Variants in RAB33B observed in about 807,000 individuals in gnomAD.
The protein encoded by RAB33B is RAB33B, member RAS oncogene family.
RAB33B carries 6 observed loss-of-function variants against 15.0 expected under a neutral mutation model. The observed-to-expected ratio is 0.40, with a 90% confidence interval of 0.22 to 0.79. RAB33B has a LOEUF of 0.79. Ranked by LOEUF, RAB33B falls within the 30% of genes least tolerant of loss-of-function variation. The probability of loss-of-function intolerance (pLI) is 0.37; values close to 1 mark genes in which losing one functional copy is unlikely to be tolerated. For missense variants in RAB33B, 257 were observed against 296.4 expected, an observed-to-expected ratio of 0.87 and a Z score of 0.98; for synonymous variants, 117 against 108.3, an observed-to-expected ratio of 1.08 and a Z score of -0.50.
the RAB33B span, among the ~76,000 whole-genome samples, chr4:139,441,670 C>T: frequency 1.3e-5 from 2 of 152,166 alleles, no homozygotes; most frequent in Non-Finnish European, 2.9e-5. Context: ...TTATTTTTAA[C>T]TTACAACGGG....
chr4:139,443,394 T>G, the RAB33B span, among the ~76,000 whole-genome samples: 3 of 152,200 alleles, frequency 2.0e-5, no homozygotes, highest in African/African-American at 7.2e-5. Context: ...ACATAATACC[T>G]TTGACTCTAT....
chr4:139,454,473 AC>A, intron 1 of RAB33B, 29 bp downstream of exon 1: 1 of 1,595,880 alleles, frequency 6.3e-7, no homozygotes, highest in Non-Finnish European at 8.5e-7. Flanking sequence ...GTTGGGGAGG[AC>A]AGGGTGACAG....
At chr4:139,459,304 G>A (rs1187602994) in intron 1 of RAB33B, among the ~76,000 whole-genome samples, 1 of 151,956 alleles carries the variant, frequency 6.6e-6, no homozygotes, top group African/African-American at 2.4e-5. Context: ...AAGTACGGTG[G>A]CATGTACCTG....
upstream of RAB33B, chr4:139,453,963 T>G (rs1337213635): frequency 4.9e-6 from 2 of 405,126 alleles, no homozygotes; most frequent in African/African-American, 4.3e-5. Flanking sequence ...GAGTGACGCC[T>G]GGCGTGTGGC....
intron 1 of RAB33B, among the ~76,000 whole-genome samples, chr4:139,464,396 T>TTG (rs1554004082): frequency 2.1e-5 from 3 of 145,404 alleles, no homozygotes; most frequent in African/African-American, 7.6e-5. Flanking sequence ...GTTTTTTTTT[T>TTG]TTTTTTTTTT....
chr4:139,454,474 CAG>C (rs759584805), intron 1 of RAB33B, 30 bp downstream of exon 1: 3 of 1,595,548 alleles, frequency 1.9e-6, no homozygotes, highest in Non-Finnish European at 2.6e-6. Context: ...TTGGGGAGGA[CAG>C]GGTGACAGGT....
At chr4:139,450,773 TTC>T (rs1185262853), upstream of RAB33B, 1 of 152,160 alleles carries the variant, frequency 6.6e-6, no homozygotes, top group East Asian at 1.9e-4. Flanking sequence ...TAAGAGCTGT[TTC>T]TGAGTAAGAC....
At chr4:139,440,266 T>C in the RAB33B span, among the ~76,000 whole-genome samples, 2 of 152,156 alleles carry the variant, frequency 1.3e-5, no homozygotes, top group Non-Finnish European at 2.9e-5. Context: ...ATATATGCAA[T>C]TGTGTTTATG....
chr4:139,458,492 C>A (rs1237293434), intron 1 of RAB33B, among the ~76,000 whole-genome samples: 1 of 152,204 alleles, frequency 6.6e-6, no homozygotes, highest in African/African-American at 2.4e-5. Context: ...GTGTGTTGTT[C>A]CTGTCTTTGT....
At chr4:139,457,799 C>T (rs925010200) in intron 1 of RAB33B, among the ~76,000 whole-genome samples, 2 of 152,178 alleles carry the variant, frequency 1.3e-5, no homozygotes, top group African/African-American at 2.4e-5. Context: ...GATTTCATGA[C>T]ATGAAAATCA....
In RAB33B at chr4:139,473,098, C is replaced by A; in HGVS notation, c.662C>A (p.Pro221Gln). The change falls in exon 2 of 2, where the codon CCA becomes CAA. Residue 221 changes from proline (P) to glutamine (Q), a missense_variant. Pro to Gln is a moderately conservative substitution (Grantham distance 76). Coordinates refer to ENST00000305626, the MANE Select transcript of RAB33B (RefSeq NM_031296.3). ...AATGGAATTATCCTGAAGCCTGAAC[C>A]AAAGCCTGCAATGACGTGCTGGTGC... Reference protein sequence around the residue: ...PDNGIILKPEPKPAMTCWC With the variant: ...PDNGIILKPEQKPAMTCWC 6.2e-7 allele frequency: 1 copy of A among 1,606,792 alleles called. No individual in the cohort carries two copies. Among genetic ancestry groups the A allele is most frequent in the South Asian group, 1.1e-5 (1 of 90,558 alleles).
chr4:139,466,961 C>CT (rs35504904), intron 1 of RAB33B, among the ~76,000 whole-genome samples: 7,007 of 68,428 alleles, frequency 0.1, 785 homozygotes, highest in Admixed American at 0.13. Flanking sequence ...GAAGCACAAA[C>CT]TTTTTTTTTT....
chr4:139,454,043 A>C, upstream of RAB33B: 2 of 854,202 alleles, frequency 2.3e-6, no homozygotes, highest in Non-Finnish European at 3.4e-6. Flanking sequence ...CGGGGCGGGA[A>C]GGTGCGCAGG....
At chr4:139,442,530 C>G in the RAB33B span, among the ~76,000 whole-genome samples, 1 of 152,108 alleles carries the variant, frequency 6.6e-6, no homozygotes, top group African/African-American at 2.4e-5. Context: ...CACCCTTAAT[C>G]TGGGTGGGCA....
intron 1 of RAB33B, among the ~76,000 whole-genome samples, chr4:139,466,450 A>C (rs1750287613): frequency 6.6e-6 from 1 of 152,242 alleles, no homozygotes; most frequent in Admixed American, 6.5e-5. Flanking sequence ...TGAGTTACAG[A>C]AAATGTCATT....
rs557627842 is a variant in RAB33B at position 139,474,762 on chromosome 4, A to C, written c.*1636A>C. On this transcript the variant is annotated 3_prime_UTR_variant, in exon 2 of 2. Coordinates refer to ENST00000305626, the MANE Select transcript of RAB33B (RefSeq NM_031296.3). ...TGCACATAAAATATAGCAAGCTTAC[A>C]TATTAAACTATTTACGTAAATGGAA... The C allele has an allele frequency of 6.5e-6, 1 of 152,764 alleles. No individual in the cohort carries two copies. The highest frequency in any genetic ancestry group is 1.9e-4 in the East Asian group (1 of 5,192). 9.5% of individuals were successfully genotyped at this position (152,764 alleles called of 1,614,324 possible). A position where few individuals can be genotyped will look rare whatever the true frequency, so the allele number is the denominator to read the frequency against.
intron 1 of RAB33B, among the ~76,000 whole-genome samples, chr4:139,456,856 A>C (rs1750080311): frequency 6.6e-6 from 1 of 152,168 alleles, no homozygotes; most frequent in Non-Finnish European, 1.5e-5. Flanking sequence ...TCGAAAACTG[A>C]AAAGTGATAT....
At chr4:139,443,242 T>G in the RAB33B span, among the ~76,000 whole-genome samples, 1 of 152,156 alleles carries the variant, frequency 6.6e-6, no homozygotes, top group Admixed American at 6.5e-5. Flanking sequence ...TCCGCCTGCC[T>G]CGGCCTCCCA....
chr4:139,441,264 C>T, the RAB33B span, among the ~76,000 whole-genome samples: 154 of 152,278 alleles, frequency 1.0e-3, no homozygotes, highest in African/African-American at 2.6e-3. Context: ...CTTCATAACA[C>T]GGCTAGCTCA....
Sources: gnomAD v4.1 joint callset for allele counts (sites outside exome capture counted in the v4.1 genomes callset) on GRCh38, gnomAD v4.1.1 for gene constraint, MANE v1.5 for transcripts, NCBI Gene and HGNC (gene_info 2026-07-23, HGNC 2026-07-21) for gene names.